Variants in GPHN observed in about 807,000 individuals in gnomAD.
The protein encoded by GPHN is gephyrin.
GPHN carries 17 observed loss-of-function variants against 95.5 expected under a neutral mutation model. The observed-to-expected ratio is 0.18, with a 90% CI of 0.12 to 0.27. GPHN has a LOEUF of 0.27. Ranked by LOEUF, GPHN falls within the 10% of genes least tolerant of loss-of-function variation. The pLI is 1.00. For synonymous variants in GPHN, 320 were observed against 322.5 expected, an observed-to-expected ratio of 0.99 and a Z score of 0.08; for missense variants, 660 against 978.1, an observed-to-expected ratio of 0.67 and a Z score of 4.34.
the GPHN span, among the ~76,000 whole-genome samples, chr14:67,715,532 G>A: frequency 1.2e-3 from 183 of 152,308 alleles, 4 homozygotes; most frequent in African/African-American, 4.0e-3. Flanking sequence ...CAGTGCAGGC[G>A]TAAGGCCTGG....
intron 1 of GPHN, among the ~76,000 whole-genome samples, chr14:66,564,324 A>G (rs1277352889): frequency 6.6e-6 from 1 of 152,314 alleles, no homozygotes; most frequent in Admixed American, 6.5e-5. Context: ...ATAAAGGAAC[A>G]TTTGAATATC....
chr14:66,687,107 G>T (rs1435662005), intron 2 of GPHN, among the ~76,000 whole-genome samples: 4 of 152,124 alleles, frequency 2.6e-5, no homozygotes, highest in African/African-American at 9.7e-5. Flanking sequence ...AAGCCCACTT[G>T]ATCATGTTGG....
chr14:67,097,237 C>G (rs1394214010), intron 12 of GPHN, among the ~76,000 whole-genome samples: 1 of 152,098 alleles, frequency 6.6e-6, no homozygotes, highest in African/African-American at 2.4e-5. Context: ...TATGACTTCA[C>G]AGAGAAGATG....
intron 9 of GPHN, among the ~76,000 whole-genome samples, chr14:66,987,343 T>G (rs1278675454): frequency 1.3e-5 from 2 of 152,100 alleles, no homozygotes; most frequent in Non-Finnish European, 2.9e-5. Flanking sequence ...CATCCATAAC[T>G]GTAGCACCAT....
At chr14:66,797,807 T>C (rs1368670522) in intron 3 of GPHN, among the ~76,000 whole-genome samples, 1 of 151,852 alleles carries the variant, frequency 6.6e-6, no homozygotes, top group Non-Finnish European at 1.5e-5. Flanking sequence ...AGTTTGGATT[T>C]TCTTTATATA....
chr14:67,555,655 G>A, the GPHN span, among the ~76,000 whole-genome samples: 1 of 152,226 alleles, frequency 6.6e-6, no homozygotes, highest in East Asian at 1.9e-4. Context: ...GGATTAGGGA[G>A]CTGAGAGTTG....
intron 2 of GPHN, among the ~76,000 whole-genome samples, chr14:66,687,449 T>G (rs1034033919): frequency 1.3e-5 from 2 of 152,102 alleles, no homozygotes; most frequent in Non-Finnish European, 2.9e-5. Flanking sequence ...AGCATGTTCA[T>G]TTTTACAATA....
the GPHN span, chr14:67,347,451 C>CAA: frequency 6.2e-7 from 1 of 1,605,664 alleles, no homozygotes; most frequent in Non-Finnish European, 8.5e-7. Flanking sequence ...GGCAAAGTAA[C>CAA]ACCTGTTAAA....
chr14:67,111,436 T>G (rs1164617989), intron 14 of GPHN, among the ~76,000 whole-genome samples: 3 of 152,160 alleles, frequency 2.0e-5, no homozygotes, highest in Non-Finnish European at 4.4e-5. Context: ...CTGCAAGTAT[T>G]TGGTAACCTT....
At chr14:66,566,281 G>C (rs2060460167) in intron 1 of GPHN, among the ~76,000 whole-genome samples, 1 of 151,890 alleles carries the variant, frequency 6.6e-6, no homozygotes, top group Admixed American at 6.6e-5. Context: ...CCACCATTTT[G>C]CTGTACTCTA....
chr14:67,451,652 C>T, the GPHN span, among the ~76,000 whole-genome samples: 3 of 152,300 alleles, frequency 2.0e-5, no homozygotes, highest in South Asian at 6.2e-4. Flanking sequence ...TGTATTTACC[C>T]AATGCCTGTA....
chr14:66,966,320 T>G (rs574213826), intron 9 of GPHN, among the ~76,000 whole-genome samples: 1 of 152,254 alleles, frequency 6.6e-6, no homozygotes, highest in African/African-American at 2.4e-5. Context: ...GCAGTTTGTT[T>G]TACATTACTT....
the GPHN span, chr14:67,589,753 C>A: frequency 1.9e-6 from 2 of 1,030,280 alleles, no homozygotes; most frequent in Non-Finnish European, 2.3e-6. Context: ...TTTTGCTTCA[C>A]AAACATCAAC....
At chr14:67,296,190 G>C in the GPHN span, among the ~76,000 whole-genome samples, 12 of 152,136 alleles carry the variant, frequency 7.9e-5, no homozygotes. Flanking sequence ...AATATACCAG[G>C]AAGCGTAAGA....
chr14:67,199,702 A>C, the GPHN span: 1 of 1,582,614 alleles, frequency 6.3e-7, no homozygotes, highest in Non-Finnish European at 8.7e-7. Context: ...TTGCAGATGC[A>C]CCTCCTTCAC....
chr14:67,293,441 C>A, the GPHN span, among the ~76,000 whole-genome samples: 1 of 152,040 alleles, frequency 6.6e-6, no homozygotes, highest in African/African-American at 2.4e-5. Context: ...CCAACATGAG[C>A]AGAAAATGGG....
In GPHN at chr14:66,571,028, A is replaced by G. The variant is rs568064513; in HGVS notation, c.64+62437A>G. On this transcript the variant is annotated intron_variant, in intron 1 of 22. Transcript: ENST00000478722. ...TGGATATTAAGCTCATATCAAACGT[A>G]TGGGGTGTATTAGTCCGTTTTCACA... Among the ~76,000 whole-genome samples the G allele has an allele frequency of 3.3e-5, 5 of 152,246 alleles. No homozygotes were observed. The East Asian group carries it at 9.7e-4, about 29-fold the overall frequency.
chr14:67,225,097 C>A, the GPHN span: 3 of 1,541,560 alleles, frequency 1.9e-6, no homozygotes, highest in East Asian at 2.4e-5. Flanking sequence ...TTTCCTTATT[C>A]TTTTTCTTTT....
At chr14:66,726,067 T>C (rs1475477728) in intron 2 of GPHN, among the ~76,000 whole-genome samples, 1 of 152,220 alleles carries the variant, frequency 6.6e-6, no homozygotes, top group Non-Finnish European at 1.5e-5. Flanking sequence ...GAAAGAAATA[T>C]AAGTAACAGC....
Sources: gnomAD v4.1 joint callset for allele counts (sites outside exome capture counted in the v4.1 genomes callset) on GRCh38, gnomAD v4.1.1 for gene constraint, MANE v1.5 for transcripts, NCBI Gene and HGNC (gene_info 2026-07-23, HGNC 2026-07-21) for gene names.